The following DLC1 variants were observed in gnomAD, a reference collection of about 807,000 sequenced individuals.
DLC1 encodes the protein rho GTPase-activating protein 7.
DLC1 carries 54 observed loss-of-function variants against 140.3 expected under a neutral mutation model. That is an observed-to-expected ratio of 0.38 (90% CI 0.31 to 0.48). The LOEUF (loss-of-function observed/expected upper bound fraction) is 0.48, where lower values mean the gene tolerates loss of function less well. DLC1 is among the 20% of genes least tolerant of loss of function. The pLI is 0.96. For synonymous variants in DLC1, 986 were observed against 728.1 expected (o/e 1.35, Z -5.70); for missense variants, 2,536 against 1,907.0 (o/e 1.33, Z -6.14).
At chr8:13,476,552 A>C (rs907863125) in intron 2 of DLC1, among the ~76,000 whole-genome samples, 2 of 150,788 alleles carry the variant, frequency 1.3e-5, no homozygotes, top group African/African-American at 4.9e-5. Flanking sequence ...GGACGTGGGG[A>C]GCTAACCAGG....
intron 1 of DLC1, among the ~76,000 whole-genome samples, chr8:13,537,846 G>A (rs1462135152): frequency 6.6e-6 from 1 of 151,812 alleles, no homozygotes; most frequent in African/African-American, 2.4e-5. Context: ...CTGGAGACAG[G>A]GTTTCACTGT....
At chr8:13,260,659 T>C (rs1022178208) in intron 5 of DLC1, among the ~76,000 whole-genome samples, 1 of 152,166 alleles carries the variant, frequency 6.6e-6, no homozygotes, top group Non-Finnish European at 1.5e-5. Context: ...AATATCCAAC[T>C]GATGCTGGAA....
At chr8:13,557,959 A>G (rs1804107603) in intron 1 of DLC1, 1 of 152,206 alleles carries the variant, frequency 6.6e-6, no homozygotes, top group African/African-American at 2.4e-5. Flanking sequence ...GAGGTTTTCT[A>G]AAAGGAAAAA....
intron 1 of DLC1, among the ~76,000 whole-genome samples, chr8:13,552,862 T>G (rs980747898): frequency 2.0e-5 from 3 of 151,892 alleles, no homozygotes; most frequent in Non-Finnish European, 4.4e-5. Context: ...AGAAAACACA[T>G]AAACTAAATC....
chr8:13,103,392 T>G (rs1015978962), intron 7 of DLC1, among the ~76,000 whole-genome samples: 3 of 152,004 alleles, frequency 2.0e-5, no homozygotes, highest in Admixed American at 1.3e-4. Context: ...TCACTTTAAT[T>G]TTTATATTTT....
intron 4 of DLC1, among the ~76,000 whole-genome samples, chr8:13,374,449 G>A (rs774172958): frequency 5.3e-5 from 8 of 152,126 alleles, no homozygotes; most frequent in African/African-American, 7.2e-5. Context: ...GCAAGAGAGT[G>A]TATATGAGTG....
intron 5 of DLC1, among the ~76,000 whole-genome samples, chr8:13,278,886 C>G (rs965481320): frequency 6.6e-6 from 1 of 152,254 alleles, no homozygotes; most frequent in East Asian, 1.9e-4. Flanking sequence ...ATTATTATCA[C>G]TTTTTTAGAG....
chr8:13,333,654 A>T (rs908014419), intron 4 of DLC1, among the ~76,000 whole-genome samples: 1 of 152,170 alleles, frequency 6.6e-6, no homozygotes, highest in Non-Finnish European at 1.5e-5. Context: ...ATGTGTTCTC[A>T]CCCGCCCCCT....
intron 2 of DLC1, among the ~76,000 whole-genome samples, chr8:13,446,699 C>T (rs139821063): frequency 0.056 from 8,439 of 151,884 alleles, 340 homozygotes; most frequent in African/African-American, 0.11. Flanking sequence ...TCAGCACTTT[C>T]GGAGGCCAAG....
chr8:13,267,614 T>C (rs1239949360), intron 5 of DLC1, among the ~76,000 whole-genome samples: 3 of 152,170 alleles, frequency 2.0e-5, no homozygotes, highest in South Asian at 2.1e-4. Flanking sequence ...TTCCCCCCAC[T>C]GCATAGTGTC....
intron 2 of DLC1, among the ~76,000 whole-genome samples, chr8:13,460,521 C>G (rs1799610409): frequency 6.6e-6 from 1 of 152,120 alleles, no homozygotes; most frequent in Non-Finnish European, 1.5e-5. Context: ...AGGGTAGGAT[C>G]AAAGTAAGGA....
At chr8:13,492,487 A>G (rs1487397175) in intron 2 of DLC1, among the ~76,000 whole-genome samples, 1 of 38,560 alleles carries the variant, frequency 2.6e-5, no homozygotes, top group East Asian at 3.2e-4. Context: ...TTTTTCTATC[A>G]CTTACTCTCT....
intron 5 of DLC1, among the ~76,000 whole-genome samples, chr8:13,216,273 A>T (rs530690413): frequency 4.6e-4 from 70 of 152,344 alleles, no homozygotes; most frequent in African/African-American, 1.6e-3. Flanking sequence ...AGAAAGAGTC[A>T]AAGTTGTTAC....
intron 1 of DLC1, among the ~76,000 whole-genome samples, chr8:13,589,698 T>C (rs1288823568): frequency 6.6e-6 from 1 of 151,996 alleles, no homozygotes; most frequent in African/African-American, 2.4e-5. Flanking sequence ...TGTTTTTTTT[T>C]TTTCACAGAT....
At chr8:13,409,487 T>A (rs1347974142) in intron 2 of DLC1, among the ~76,000 whole-genome samples, 1 of 152,170 alleles carries the variant, frequency 6.6e-6, no homozygotes. Flanking sequence ...ATAATAAGTT[T>A]TTAGTGGAAG....
At position 13,188,414 on chromosome 8, in the gene DLC1, C is replaced by T. The variant is rs559690794; in HGVS notation, c.1349-72757G>A. 8.6e-4 allele frequency among the ~76,000 whole-genome samples: 39 copies of T among 45,326 alleles called. 1 individual carries two copies. The highest frequency in any genetic ancestry group is 7.8e-4 in the Non-Finnish European group (18 of 23,210). The allele number at this position is 45,326 out of a possible 152,430, so 29.7% of individuals were successfully genotyped here. ...CAGCCTGGGTGACAGAGCAAGACTC[C>T]GTCTCAAAAAAAAAAAAAAAAAAAA... On this transcript the variant is annotated intron_variant, in intron 5 of 17. Transcript: ENST00000276297.
chr8:13,598,922 A>G (rs954563909), intron 1 of DLC1, among the ~76,000 whole-genome samples: 3 of 151,988 alleles, frequency 2.0e-5, no homozygotes, highest in African/African-American at 7.2e-5. Flanking sequence ...CTAAATAAAA[A>G]AATGAAATTG....
intron 5 of DLC1, among the ~76,000 whole-genome samples, chr8:13,219,267 A>G (rs1466091755): frequency 5.8e-5 from 8 of 138,536 alleles, no homozygotes; most frequent in African/African-American, 1.8e-4. Context: ...ATATAACTAT[A>G]TAATTATAAT....
intron 5 of DLC1, among the ~76,000 whole-genome samples, chr8:13,248,651 C>A (rs1012986904): frequency 6.6e-6 from 1 of 152,176 alleles, no homozygotes; most frequent in Non-Finnish European, 1.5e-5. Flanking sequence ...CAGTCTGGAT[C>A]TTTTTATCCC....
Sources: gnomAD v4.1 joint callset for allele counts (sites outside exome capture counted in the v4.1 genomes callset) on GRCh38, gnomAD v4.1.1 for gene constraint, MANE v1.5 for transcripts, NCBI Gene and HGNC (gene_info 2026-07-23, HGNC 2026-07-21) for gene names.